PIP5K1B: variants seen among roughly 807,000 people sequenced by gnomAD.
PIP5K1B encodes the protein phosphatidylinositol 4-phosphate 5-kinase type-1 beta.
PIP5K1B carries 42 observed loss-of-function variants against 67.0 expected under a neutral mutation model. The observed-to-expected ratio is 0.63, with a 90% CI of 0.49 to 0.81. The LOEUF is 0.81. Ranked by LOEUF, PIP5K1B falls within the 30% of genes least tolerant of loss-of-function variation. The pLI is 0.00. For synonymous variants in PIP5K1B, 214 were observed against 231.4 expected, an observed-to-expected ratio of 0.92 and a Z score of 0.68; for missense variants, 459 against 646.3, an observed-to-expected ratio of 0.71 and a Z score of 3.14.
rs547844281 is a variant in PIP5K1B at position 68,815,088 on chromosome 9, T to C, written c.-85-3373T>C. ...AGTGAAATAATAATAATAAGTAAAA[T>C]GTAAATGCTTGAAATTAAGAAGCCT... On this transcript the variant is annotated intron_variant, in intron 2 of 15. Transcript: ENST00000265382. 1.3e-3 allele frequency among the ~76,000 whole-genome samples: 197 copies of C among 152,144 alleles called. 3 individuals are homozygous for C. Among genetic ancestry groups the C allele is most frequent in the African/African-American group, 4.5e-3 (187 of 41,536 alleles).
At chr9:69,001,159 G>A (rs574306186) in intron 15 of PIP5K1B, among the ~76,000 whole-genome samples, 2 of 151,664 alleles carry the variant, frequency 1.3e-5, no homozygotes, top group South Asian at 2.1e-4. Context: ...CACCTGCCTC[G>A]GCCTCCCCAA....
At chr9:68,822,512 A>G (rs1441873210) in intron 3 of PIP5K1B, 103 bp from the exon 4 acceptor site, 1 of 845,124 alleles carries the variant, frequency 1.2e-6, no homozygotes, top group Non-Finnish European at 1.9e-6. Context: ...AGCAATAACA[A>G]AAACATACTT....
intron 2 of PIP5K1B, among the ~76,000 whole-genome samples, chr9:68,810,026 G>C (rs1001124720): frequency 1.3e-5 from 2 of 152,196 alleles, no homozygotes; most frequent in Non-Finnish European, 2.9e-5. Flanking sequence ...TAATAAAAAT[G>C]AATTCAAAAG....
intron 6 of PIP5K1B, among the ~76,000 whole-genome samples, chr9:68,887,734 G>A (rs1824550255): frequency 6.6e-6 from 1 of 152,208 alleles, no homozygotes. Flanking sequence ...AACTAAGGGT[G>A]TTGGCAGAGG....
chr9:68,779,192 A>C (rs530506072), intron 2 of PIP5K1B, among the ~76,000 whole-genome samples: 1 of 152,124 alleles, frequency 6.6e-6, no homozygotes, highest in Admixed American at 6.5e-5. Context: ...ATGAGATATC[A>C]AGGTTTTATA....
chr9:68,866,389 T>G (rs11144057), intron 5 of PIP5K1B, among the ~76,000 whole-genome samples: 63,393 of 151,724 alleles, frequency 0.42, 13,587 homozygotes, highest in Middle Eastern at 0.51. Context: ...ACTTTAAAAA[T>G]TATTAAGTGA....
chr9:68,823,526 A>T (rs1212635185), intron 4 of PIP5K1B, among the ~76,000 whole-genome samples: 4 of 152,170 alleles, frequency 2.6e-5, no homozygotes, highest in Non-Finnish European at 5.9e-5. Context: ...CCCATTTCAC[A>T]AAAAGTCTTT....
chr9:68,805,482 C>CT (rs1832823618), intron 2 of PIP5K1B, among the ~76,000 whole-genome samples: 1 of 152,186 alleles, frequency 6.6e-6, no homozygotes, highest in Admixed American at 6.5e-5. Flanking sequence ...TGCTGTAAAT[C>CT]TTGGACATTA....
intron 14 of PIP5K1B, among the ~76,000 whole-genome samples, chr9:68,953,551 C>T (rs558640276): frequency 3.3e-4 from 50 of 151,976 alleles, no homozygotes; most frequent in Non-Finnish European, 6.9e-4. Flanking sequence ...TGTGGTGGTT[C>T]ACACCTATAA....
At chr9:68,853,793 C>T (rs1170280682) in intron 4 of PIP5K1B, among the ~76,000 whole-genome samples, 1 of 152,154 alleles carries the variant, frequency 6.6e-6, no homozygotes, top group Non-Finnish European at 1.5e-5. Context: ...CTGCAGACCC[C>T]ATGAGAGCAC....
At chr9:68,964,589 C>T (rs972235754) in intron 14 of PIP5K1B, among the ~76,000 whole-genome samples, 3 of 152,176 alleles carry the variant, frequency 2.0e-5, no homozygotes, top group Non-Finnish European at 4.4e-5. Flanking sequence ...GCTGAGAATT[C>T]TTCTCCCCAA....
intron 2 of PIP5K1B, among the ~76,000 whole-genome samples, chr9:68,793,184 G>T (rs1379434883): frequency 9.8e-6 from 1 of 101,648 alleles, no homozygotes; most frequent in Non-Finnish European, 2.3e-5. Flanking sequence ...AAAATAGTTA[G>T]AGGGGGGTTA....
At chr9:68,822,911 G>A (rs932260686) in intron 4 of PIP5K1B, among the ~76,000 whole-genome samples, 2 of 152,188 alleles carry the variant, frequency 1.3e-5, no homozygotes, top group African/African-American at 2.4e-5. Flanking sequence ...TGAGATCCAT[G>A]TGTTTGCAGA....
At chr9:68,792,798 A>G (rs1292192742) in intron 2 of PIP5K1B, among the ~76,000 whole-genome samples, 2 of 152,160 alleles carry the variant, frequency 1.3e-5, no homozygotes, top group Non-Finnish European at 2.9e-5. Flanking sequence ...TTTAAGAAAA[A>G]GGAATGTAGT....
At chr9:68,749,000 A>T (rs1211336389) in intron 2 of PIP5K1B, among the ~76,000 whole-genome samples, 1 of 152,148 alleles carries the variant, frequency 6.6e-6, no homozygotes, top group Non-Finnish European at 1.5e-5. Flanking sequence ...CTGGGTTCAA[A>T]TCCCGCCTCT....
chr9:68,905,549 A>G (rs575178213), intron 8 of PIP5K1B, among the ~76,000 whole-genome samples: 2 of 152,304 alleles, frequency 1.3e-5, no homozygotes, highest in African/African-American at 4.8e-5. Context: ...TTTAAGGCAT[A>G]TTTGAGAGTT....
At chr9:68,849,317 G>A (rs1016147638) in intron 4 of PIP5K1B, among the ~76,000 whole-genome samples, 6 of 152,140 alleles carry the variant, frequency 3.9e-5, no homozygotes, top group East Asian at 1.9e-4. Context: ...ATAGATGGAA[G>A]CATAGTATTT....
intron 14 of PIP5K1B, among the ~76,000 whole-genome samples, chr9:68,974,783 T>G (rs945027349): frequency 2.0e-5 from 3 of 152,270 alleles, no homozygotes; most frequent in Non-Finnish European, 4.4e-5. Context: ...AGTGTACATC[T>G]GTGAGAGCGA....
chr9:68,880,019 T>C (rs1824099839), intron 6 of PIP5K1B, among the ~76,000 whole-genome samples: 1 of 152,172 alleles, frequency 6.6e-6, no homozygotes, highest in Non-Finnish European at 1.5e-5. Context: ...AACGGGTGAA[T>C]TGAATGCTAT....
Sources: gnomAD v4.1 joint callset for allele counts (sites outside exome capture counted in the v4.1 genomes callset) on GRCh38, gnomAD v4.1.1 for gene constraint, MANE v1.5 for transcripts, NCBI Gene and HGNC (gene_info 2026-07-23, HGNC 2026-07-21) for gene names.